ASIC2: variants seen among roughly 807,000 people sequenced by gnomAD.
ASIC2 encodes the protein acid-sensing ion channel 2.
In ASIC2, 25 loss-of-function variants were observed where a neutral mutation model predicts 57.3. The ratio of observed to expected loss-of-function variants is 0.44; its 90% CI spans 0.32 to 0.61. The LOEUF is 0.61. Ranked by LOEUF, ASIC2 falls within the 20% of genes least tolerant of loss-of-function variation. The pLI, the probability that ASIC2 is intolerant of heterozygous loss-of-function variation, is 0.06. For synonymous variants in ASIC2, 319 were observed against 307.5 expected, an observed-to-expected ratio of 1.04 and a Z score of -0.39; for missense variants, 641 against 738.1, an observed-to-expected ratio of 0.87 and a Z score of 1.52.
intron 1 of ASIC2, among the ~76,000 whole-genome samples, chr17:33,130,061 C>T (rs1057375948): frequency 1.3e-5 from 2 of 152,040 alleles, no homozygotes; most frequent in South Asian, 2.1e-4. Flanking sequence ...GAACTCTCTC[C>T]GTATGTAAGC....
chr17:34,039,156 TAATA>T, intron 1 of ASIC2: 1 of 1,614,042 alleles, frequency 6.2e-7, no homozygotes, highest in Non-Finnish European at 8.5e-7. Context: ...AGATGGCTCT[TAATA>T]AATCATCTAT....
At chr17:33,045,088 C>T (rs763593204) in intron 3 of ASIC2, among the ~76,000 whole-genome samples, 2 of 152,070 alleles carry the variant, frequency 1.3e-5, no homozygotes, top group Non-Finnish European at 2.9e-5. Context: ...GTACAATGCC[C>T]GGTGCCTATG....
intron 1 of ASIC2, among the ~76,000 whole-genome samples, chr17:33,332,436 C>T (rs1202403635): frequency 2.0e-5 from 3 of 152,062 alleles, no homozygotes; most frequent in East Asian, 3.8e-4. Context: ...TTTTTGGTAT[C>T]GAATCTTGGC....
At chr17:33,592,439 G>T (rs149866680) in intron 1 of ASIC2, among the ~76,000 whole-genome samples, 1 of 152,246 alleles carries the variant, frequency 6.6e-6, no homozygotes, top group African/African-American at 2.4e-5. Context: ...TCAGGCACAA[G>T]CCTGAAGTGA....
In ASIC2 at chr17:33,178,875, G is replaced by A. The variant is rs891301558; in HGVS notation, c.709-66808C>T. Among the ~76,000 whole-genome samples the A allele has an allele frequency of 8.5e-5, 13 of 152,300 alleles. No homozygotes were observed. In the South Asian group the frequency reaches 2.5e-3, roughly 29 times the overall value. On this transcript the variant is annotated intron_variant, in intron 1 of 9. Coordinates refer to ENST00000225823, the MANE Select transcript of ASIC2 (RefSeq NM_183377.2). ...TCCCCGACAGCCTCCCTGTAGCAGT[G>A]CCCAGAGCCATCACCAGGGTTGGCA...
chr17:33,469,901 A>G (rs1567622852), intron 1 of ASIC2, among the ~76,000 whole-genome samples: 1 of 152,318 alleles, frequency 6.6e-6, no homozygotes, highest in South Asian at 2.1e-4. Context: ...ACAATGTGCC[A>G]GGCATTATGG....
At chr17:33,157,132 A>G (rs1352697797) in intron 1 of ASIC2, among the ~76,000 whole-genome samples, 1 of 151,486 alleles carries the variant, frequency 6.6e-6, no homozygotes, top group Non-Finnish European at 1.5e-5. Flanking sequence ...AACCCCCAGC[A>G]CTCCCCTCCT....
chr17:33,344,932 GTT>G (rs11402799), intron 1 of ASIC2, among the ~76,000 whole-genome samples: 3 of 145,248 alleles, frequency 2.1e-5, no homozygotes, highest in Non-Finnish European at 3.0e-5. Flanking sequence ...CAAAACCTTG[GTT>G]TTTTTTTTTT....
chr17:33,406,150 A>G (rs1306078817), intron 1 of ASIC2, among the ~76,000 whole-genome samples: 2 of 152,136 alleles, frequency 1.3e-5, no homozygotes, highest in African/African-American at 4.8e-5. Context: ...AAATATTTCA[A>G]TGTCATTGGC....
At chr17:33,554,932 A>T (rs1915860947) in intron 1 of ASIC2, among the ~76,000 whole-genome samples, 1 of 152,164 alleles carries the variant, frequency 6.6e-6, no homozygotes. Flanking sequence ...TCACATATCA[A>T]GGTGAGGCTG....
At chr17:33,558,081 AT>A (rs1391755619) in intron 1 of ASIC2, among the ~76,000 whole-genome samples, 5 of 152,040 alleles carry the variant, frequency 3.3e-5, no homozygotes, top group South Asian at 2.1e-4. Context: ...TCTATTAAAG[AT>A]TTTTTTCTTG....
intron 1 of ASIC2, chr17:33,984,464 T>A (rs890512367): frequency 6.6e-6 from 1 of 152,198 alleles, no homozygotes; most frequent in African/African-American, 2.4e-5. Context: ...GTGCAAGCAA[T>A]TTTTAGGTCT....
At chr17:33,300,996 C>A (rs188605631) in intron 1 of ASIC2, among the ~76,000 whole-genome samples, 3 of 147,814 alleles carry the variant, frequency 2.0e-5, no homozygotes, top group Admixed American at 6.9e-5. Context: ...TGATTTAACT[C>A]ATTCTTTTTA....
At chr17:33,453,468 GA>G (rs1164309815) in intron 1 of ASIC2, among the ~76,000 whole-genome samples, 1 of 152,158 alleles carries the variant, frequency 6.6e-6, no homozygotes, top group African/African-American at 2.4e-5. Context: ...GGGAGGCCAT[GA>G]AGGGATGTGA....
intron 1 of ASIC2, among the ~76,000 whole-genome samples, chr17:33,262,888 T>C (rs1909335698): frequency 6.6e-6 from 1 of 152,066 alleles, no homozygotes; most frequent in Non-Finnish European, 1.5e-5. Context: ...ATGAGGAATG[T>C]TGAAGTGAGG....
intron 1 of ASIC2, among the ~76,000 whole-genome samples, chr17:33,523,379 C>A (rs1342273741): frequency 6.6e-6 from 1 of 152,182 alleles, no homozygotes; most frequent in African/African-American, 2.4e-5. Flanking sequence ...GCCTCAGCCT[C>A]CCGAGTAGCT....
At chr17:34,118,572 G>C (rs1322655521) in intron 1 of ASIC2, 2 of 152,208 alleles carry the variant, frequency 1.3e-5, no homozygotes, top group African/African-American at 4.8e-5. Context: ...ATATGCATCT[G>C]GTCCCTTTCC....
intron 1 of ASIC2, among the ~76,000 whole-genome samples, chr17:33,138,475 T>C (rs554864337): frequency 2.3e-4 from 35 of 152,184 alleles, no homozygotes; most frequent in Non-Finnish European, 4.3e-4. Context: ...AGAACACACA[T>C]CCCTTGCTCA....
chr17:33,155,564 CTT>C (rs558082080), intron 1 of ASIC2, among the ~76,000 whole-genome samples: 5 of 130,782 alleles, frequency 3.8e-5, no homozygotes, highest in Admixed American at 7.9e-5. Flanking sequence ...TTCTTTCTTT[CTT>C]TTTTTTTTTT....
Sources: allele counts gnomAD v4.1 joint callset (sites outside exome capture counted in the v4.1 genomes callset), GRCh38; gene constraint gnomAD v4.1.1; transcripts MANE v1.5; gene names NCBI Gene and HGNC (gene_info 2026-07-23, HGNC 2026-07-21).